LPP: variants seen among roughly 807,000 people sequenced by gnomAD.
LPP encodes the protein LIM domain containing preferred translocation partner in lipoma, also known as lipoma-preferred partner.
A neutral mutation model predicts 60.4 loss-of-function variants in LPP; 38 were observed. The ratio of observed to expected loss-of-function variants is 0.63; its 90% CI spans 0.49 to 0.83. LPP has a LOEUF of 0.83. Ranked by LOEUF, LPP falls within the 40% of genes least tolerant of loss-of-function variation. The probability of loss-of-function intolerance (pLI) is 0.00; values close to 1 mark genes in which losing one functional copy is unlikely to be tolerated. For missense variants in LPP, 902 were observed against 783.6 expected (o/e 1.15, Z -1.80); for synonymous variants, 328 against 290.8 (o/e 1.13, Z -1.30).
At chr3:188,743,384 G>A (rs1455565831) in intron 8 of LPP, among the ~76,000 whole-genome samples, 1 of 151,934 alleles carries the variant, frequency 6.6e-6, no homozygotes, top group African/African-American at 2.4e-5. Flanking sequence ...ACTTCACATT[G>A]TACTAGGGTT....
intron 8 of LPP, chr3:188,709,834 T>C (rs1215673747): frequency 6.6e-6 from 1 of 152,222 alleles, no homozygotes; most frequent in Non-Finnish European, 1.5e-5. Flanking sequence ...AATTAATTAC[T>C]AGGGAAATAA....
In LPP at chr3:188,743,398, C is replaced by T. The variant is rs1053949185; in HGVS notation, c.1241-16715C>T. Among the ~76,000 whole-genome samples the T allele has an allele frequency of 5.9e-5, 9 of 151,738 alleles. No homozygotes were observed. In the South Asian group the frequency reaches 1.0e-3, roughly 18 times the overall value. ...CACTTCACATTGTACTAGGGTTAAG[C>T]GTGTCCACCCAGAGGAAGAGAATCC... On this transcript the variant is annotated intron_variant, in intron 8 of 11. Transcript: ENST00000617246.
At chr3:188,739,052 G>C (rs1321846564) in intron 8 of LPP, among the ~76,000 whole-genome samples, 1 of 152,096 alleles carries the variant, frequency 6.6e-6, no homozygotes, top group Non-Finnish European at 1.5e-5. Flanking sequence ...GATCTTGTAG[G>C]TGAGATTAGG....
At chr3:188,633,417 G>C (rs147116627) in intron 7 of LPP, among the ~76,000 whole-genome samples, 30 of 152,312 alleles carry the variant, frequency 2.0e-4, no homozygotes, top group Middle Eastern at 6.8e-3. Flanking sequence ...GTATTGTAAG[G>C]CTTACTGGTG....
chr3:188,866,356 C>T lies in LPP; in HGVS notation c.1567C>T (p.His523Tyr), dbSNP rs1766592449. 3 of 1,542,692 alleles carry T rather than the reference C, an allele frequency of 1.9e-6. No homozygotes were observed. In the South Asian group the frequency reaches 3.7e-5, roughly 19 times the overall value. The part of the protein sequence containing the change: ...PFTVDAGGLI[H>Y]CIEDFHKKFA... The stretch of plus-strand genomic sequence containing the variant: ...CACTGTGGATGCTGGCGGGCTCATT[C>T]ACTGCATTGAGGACTTCCACAAGTA... The change falls in exon 10 of 12, where the codon CAC becomes TAC. Residue 523 changes from histidine (H) to tyrosine (Y), a missense_variant. Physicochemically the swap from His to Tyr is moderately conservative, Grantham distance 83. Transcript: ENST00000617246.
intron 3 of LPP, among the ~76,000 whole-genome samples, chr3:188,362,801 A>G (rs1304168225): frequency 6.6e-6 from 1 of 152,186 alleles, no homozygotes; most frequent in Non-Finnish European, 1.5e-5. Flanking sequence ...TTGTCTGAGG[A>G]TGCAGTGGAA....
intron 2 of LPP, among the ~76,000 whole-genome samples, chr3:188,320,196 A>G (rs565786363): frequency 6.6e-6 from 1 of 152,324 alleles, no homozygotes; most frequent in South Asian, 2.1e-4. Context: ...ATAGAAGACC[A>G]GTTGTCTGGG....
chr3:188,381,257 T>G (rs1238179321), intron 3 of LPP, among the ~76,000 whole-genome samples: 1 of 152,220 alleles, frequency 6.6e-6, no homozygotes, highest in Non-Finnish European at 1.5e-5. Flanking sequence ...ATGCTCCTTT[T>G]TGACCTTTAC....
At chr3:188,678,573 C>T (rs1858661026) in intron 7 of LPP, among the ~76,000 whole-genome samples, 1 of 152,168 alleles carries the variant, frequency 6.6e-6, no homozygotes, top group South Asian at 2.1e-4. Context: ...AGAGTAAATC[C>T]TAGTCTTTCT....
intron 9 of LPP, among the ~76,000 whole-genome samples, chr3:188,792,789 C>T (rs549146650): frequency 1.3e-5 from 2 of 152,254 alleles, no homozygotes; most frequent in East Asian, 3.9e-4. Flanking sequence ...TGCTCAGTCA[C>T]CCACCCTGAT....
At chr3:188,497,709 T>C (rs375631869) in intron 5 of LPP, among the ~76,000 whole-genome samples, 9 of 152,098 alleles carry the variant, frequency 5.9e-5, no homozygotes, top group Non-Finnish European at 1.2e-4. Context: ...CCAGAAGAGT[T>C]TTTCACTGTG....
chr3:188,710,691 T>C (rs1866452860), intron 8 of LPP: 1 of 152,116 alleles, frequency 6.6e-6, no homozygotes, highest in African/African-American at 2.4e-5. Context: ...ATTTAGGTCC[T>C]ATTAAAAAGG....
At chr3:188,771,336 G>A (rs949976037) in intron 9 of LPP, among the ~76,000 whole-genome samples, 3 of 152,130 alleles carry the variant, frequency 2.0e-5, no homozygotes, top group Admixed American at 1.3e-4. Flanking sequence ...ATCACTTGAG[G>A]TCAGGAGTTC....
At chr3:188,793,557 A>G (rs190413322) in intron 9 of LPP, among the ~76,000 whole-genome samples, 57 of 152,286 alleles carry the variant, frequency 3.7e-4, no homozygotes, top group Non-Finnish European at 6.5e-4. Flanking sequence ...ATGTCCTGAC[A>G]TAAGAGTAAG....
intron 1 of LPP, among the ~76,000 whole-genome samples, chr3:188,225,081 G>A (rs1259453262): frequency 6.6e-6 from 1 of 151,938 alleles, no homozygotes; most frequent in African/African-American, 2.4e-5. Flanking sequence ...TTTTTATTTG[G>A]TATAGTTTAG....
chr3:188,794,609 G>T (rs1411916810), intron 9 of LPP, among the ~76,000 whole-genome samples: 2 of 152,282 alleles, frequency 1.3e-5, no homozygotes, highest in East Asian at 3.9e-4. Flanking sequence ...GAGGAGATTT[G>T]AGATTCAGCA....
chr3:188,356,981 A>G (rs989360418), intron 3 of LPP, among the ~76,000 whole-genome samples: 1 of 152,176 alleles, frequency 6.6e-6, no homozygotes, highest in Non-Finnish European at 1.5e-5. Context: ...CACAACTTGA[A>G]CTTTTCATTC....
chr3:188,400,803 T>A (rs147428170), intron 3 of LPP, among the ~76,000 whole-genome samples: 190 of 152,266 alleles, frequency 1.2e-3, no homozygotes, highest in African/African-American at 4.5e-3. Flanking sequence ...CTAGCTAGAA[T>A]GAGGGGAAGT....
chr3:188,421,988 CAA>C (rs1286045477), intron 4 of LPP, among the ~76,000 whole-genome samples: 1 of 152,164 alleles, frequency 6.6e-6, no homozygotes, highest in East Asian at 1.9e-4. Context: ...TGGCCAAAGT[CAA>C]CACTGTTGGC....
Sources: gnomAD v4.1 joint callset for allele counts (sites outside exome capture counted in the v4.1 genomes callset) on GRCh38, gnomAD v4.1.1 for gene constraint, MANE v1.5 for transcripts, NCBI Gene and HGNC (gene_info 2026-07-23, HGNC 2026-07-21) for gene names.